Variants in DACH2 observed in about 807,000 individuals in gnomAD.
The protein encoded by DACH2 is dachshund homolog 2.
A neutral mutation model predicts 35.8 loss-of-function variants in DACH2; 17 were observed. The ratio of observed to expected loss-of-function variants is 0.48; its 90% CI spans 0.33 to 0.71. The LOEUF (loss-of-function observed/expected upper bound fraction) is 0.71, where lower values mean the gene tolerates loss of function less well. DACH2 is among the 30% of genes least tolerant of loss of function. The pLI, the probability that DACH2 is intolerant of heterozygous loss-of-function variation, is 0.02. For missense variants in DACH2, 469 were observed against 472.7 expected (o/e 0.99, Z 0.07); for synonymous variants, 195 against 177.3 (o/e 1.10, Z -0.79).
intron 2 of DACH2, among the ~76,000 whole-genome samples, chrX:86,405,253 C>A (rs1177285476): frequency 8.9e-6 from 1 of 111,930 alleles, no homozygotes; most frequent in East Asian, 2.8e-4. Flanking sequence ...ATAGGTTTTT[C>A]TTGTCTAACA....
chrX:86,173,780 A>C (rs1315657342), intron 1 of DACH2, among the ~76,000 whole-genome samples: 5 of 112,093 alleles, frequency 4.5e-5, no homozygotes, highest in African/African-American at 1.6e-4. Context: ...TCTGACTTAG[A>C]TTTTGAAAGG....
chrX:86,156,552 A>G (rs2030553346), intron 1 of DACH2, among the ~76,000 whole-genome samples: 1 of 111,829 alleles, frequency 8.9e-6, no homozygotes, highest in South Asian at 3.6e-4. Context: ...AAAATCTAAT[A>G]TATGAACTTA....
At chrX:86,674,330 A>G (rs1331116839) in intron 4 of DACH2, among the ~76,000 whole-genome samples, 2 of 112,660 alleles carry the variant, frequency 1.8e-5, no homozygotes, top group Admixed American at 9.4e-5. Context: ...AGAAGTCACA[A>G]TTCATTGGAC....
chrX:86,731,170 T>C (rs990972158), intron 6 of DACH2, among the ~76,000 whole-genome samples: 2 of 111,326 alleles, frequency 1.8e-5, no homozygotes, highest in Non-Finnish European at 1.9e-5. Flanking sequence ...TGGGCCAGCA[T>C]CCAGTGATAT....
chrX:86,444,734 A>G (rs1037180120), intron 2 of DACH2, among the ~76,000 whole-genome samples: 15 of 111,196 alleles, frequency 1.3e-4, no homozygotes, highest in East Asian at 1.1e-3. Context: ...TACCAATTAT[A>G]CATTTTGTTG....
intron 1 of DACH2, among the ~76,000 whole-genome samples, chrX:86,302,613 A>G (rs2034595928): frequency 9.0e-6 from 1 of 111,478 alleles, no homozygotes. Flanking sequence ...TGCCAGGACC[A>G]TAGATTTAAT....
chrX:86,781,830 C>G (rs181849507), intron 7 of DACH2, among the ~76,000 whole-genome samples: 20 of 111,592 alleles, frequency 1.8e-4, no homozygotes, highest in Non-Finnish European at 3.4e-4. Context: ...GAAGTCCTAG[C>G]TAGAAAAATC....
chrX:86,809,687 T>C (rs2042377035), intron 7 of DACH2, among the ~76,000 whole-genome samples: 1 of 111,556 alleles, frequency 9.0e-6, no homozygotes. Flanking sequence ...AGAATCCTTC[T>C]TCTTTATGGC....
chrX:86,751,378 T>G (rs1023833877), intron 7 of DACH2, among the ~76,000 whole-genome samples: 1 of 110,374 alleles, frequency 9.1e-6, no homozygotes, highest in African/African-American at 3.3e-5. Flanking sequence ...AAAAACCACA[T>G]GATTTGCTAA....
At chrX:86,344,349 C>T (rs1298752745) in intron 1 of DACH2, among the ~76,000 whole-genome samples, 2 of 82,240 alleles carry the variant, frequency 2.4e-5, no homozygotes, top group East Asian at 4.9e-4. Context: ...TATATACACA[C>T]ACACACATTG....
intron 3 of DACH2, among the ~76,000 whole-genome samples, chrX:86,559,649 G>C (rs1300208474): frequency 8.1e-5 from 4 of 49,309 alleles, no homozygotes; most frequent in Non-Finnish European, 1.4e-4. Context: ...AAATATTTAG[G>C]ATAGTTAGCT....
chrX:86,640,299 C>T (rs946020166), intron 3 of DACH2, among the ~76,000 whole-genome samples: 2 of 111,011 alleles, frequency 1.8e-5, no homozygotes, highest in East Asian at 2.9e-4. Context: ...ACTGTCCTTG[C>T]CACCCCCAGA....
intron 3 of DACH2, among the ~76,000 whole-genome samples, chrX:86,568,152 TAGG>T (rs907376083): frequency 1.8e-5 from 2 of 111,377 alleles, no homozygotes; most frequent in African/African-American, 6.5e-5. Flanking sequence ...GAGGGATTAA[TAGG>T]AGGATCACAG....
chrX:86,546,357 C>CTCCTCTTCTTCTTCTTCTTCT (rs2038959526), intron 3 of DACH2, among the ~76,000 whole-genome samples: 4 of 50,068 alleles, frequency 8.0e-5, no homozygotes, highest in East Asian at 7.4e-4. Flanking sequence ...CTTCTTCTTC[C>CTCCTCTTCTTCTTCTTCTTCT]TCTTCTTCTT....
At chrX:86,642,889 A>C (rs752658109) in intron 3 of DACH2, among the ~76,000 whole-genome samples, 3 of 112,197 alleles carry the variant, frequency 2.7e-5, no homozygotes, top group African/African-American at 9.7e-5. Context: ...ACAGAAATCA[A>C]TAAGTTCTTT....
At chrX:86,522,058 A>C (rs1254607606) in intron 3 of DACH2, among the ~76,000 whole-genome samples, 1 of 111,250 alleles carries the variant, frequency 9.0e-6, no homozygotes, top group Non-Finnish European at 1.9e-5. Flanking sequence ...TTCTTCTGTA[A>C]TTTGTATTTT....
At chrX:86,694,393 A>G (rs775871953) in intron 4 of DACH2, among the ~76,000 whole-genome samples, 25 of 112,109 alleles carry the variant, frequency 2.2e-4, no homozygotes, top group Admixed American at 1.3e-3. Flanking sequence ...AGCTATGCCA[A>G]TGTAGATCAT....
At chrX:86,534,725 G>T (rs1254259824) in intron 3 of DACH2, among the ~76,000 whole-genome samples, 1 of 110,630 alleles carries the variant, frequency 9.0e-6, no homozygotes, top group East Asian at 2.8e-4. Context: ...TTCCTTTATG[G>T]ATTTCATGGT....
intron 2 of DACH2, among the ~76,000 whole-genome samples, chrX:86,446,055 A>G (rs770848342): frequency 9.0e-5 from 10 of 111,054 alleles, no homozygotes; most frequent in Admixed American, 2.9e-4. Flanking sequence ...ATATATATTT[A>G]TGATTATTAT....
Sources: gnomAD v4.1 joint callset for allele counts (sites outside exome capture counted in the v4.1 genomes callset) on GRCh38, gnomAD v4.1.1 for gene constraint, MANE v1.5 for transcripts, NCBI Gene and HGNC (gene_info 2026-07-23, HGNC 2026-07-21) for gene names.